The following NEMP2 variants were observed in gnomAD, a reference collection of about 807,000 sequenced individuals.
NEMP2 encodes the protein UPF0571 transmembrane protein.
In NEMP2, 53 loss-of-function variants were observed where a neutral mutation model predicts 54.2. The observed-to-expected ratio is 0.98, with a 90% CI of 0.78 to 1.23. The LOEUF (loss-of-function observed/expected upper bound fraction) is 1.23, where lower values mean the gene tolerates loss of function less well. Among genes scored for constraint, NEMP2 ranks in the 50% most tolerant of loss-of-function variants. The pLI is 0.00. For synonymous variants in NEMP2, 197 were observed against 190.3 expected (o/e 1.04, Z -0.29); for missense variants, 455 against 511.3 (o/e 0.89, Z 1.06).
At chr2:190,608,284 C>A in the NEMP2 span, 1 of 151,860 alleles carries the variant, frequency 6.6e-6, no homozygotes, top group South Asian at 2.1e-4. The surrounding 1 kb of genome is among the most constrained non-coding windows in gnomAD (Gnocchi z 4.9). Flanking sequence ...TTCGTATATG[C>A]CAAAGAGAAG....
rs1376465768 is a variant in NEMP2 at position 190,521,102 on chromosome 2, G to A, written c.214-1919C>T. ...TTCAAATCCATGACTGTGAACTTAA[G>A]AGAGGGACATGAAAGTTGCAGTCAT... is the stretch of plus-strand genomic sequence containing the variant. On this transcript the variant is annotated intron_variant, in intron 2 of 8. Transcript: ENST00000409150. This position sits in a 1 kb window ranked among gnomAD's most constrained non-coding sequence, Gnocchi z 6.2. 6.6e-6 allele frequency among the ~76,000 whole-genome samples: 1 copy of A among 152,152 alleles called. No homozygotes were observed. The highest frequency in any genetic ancestry group is 1.5e-5 in the Non-Finnish European group (1 of 68,036).
the NEMP2 span, among the ~76,000 whole-genome samples, chr2:190,621,295 T>A: frequency 6.6e-6 from 1 of 152,250 alleles, no homozygotes; most frequent in Non-Finnish European, 1.5e-5. Flanking sequence ...TACAAACTTG[T>A]ACAGCATGTT....
chr2:190,603,319 T>G, the NEMP2 span, among the ~76,000 whole-genome samples: 2 of 152,032 alleles, frequency 1.3e-5, no homozygotes, highest in African/African-American at 4.8e-5. Flanking sequence ...TTATTTAAAA[T>G]TAAATGGAAT....
the NEMP2 span, among the ~76,000 whole-genome samples, chr2:190,558,186 A>T: frequency 6.6e-6 from 1 of 152,200 alleles, no homozygotes; most frequent in Non-Finnish European, 1.5e-5. The surrounding 1 kb of genome is among the most constrained non-coding windows in gnomAD (Gnocchi z 4.4). Context: ...CATGGATGAC[A>T]CTGGAAACCA....
chr2:190,499,986 A>T (rs765623588), downstream of NEMP2: 21 of 1,611,494 alleles, frequency 1.3e-5, no homozygotes, highest in Non-Finnish European at 1.7e-5. This position sits in a 1 kb window ranked among gnomAD's most constrained non-coding sequence, Gnocchi z 6.0. Flanking sequence ...ATCACTGATC[A>T]TGGGGCATCT....
the NEMP2 span, among the ~76,000 whole-genome samples, chr2:190,622,274 G>A: frequency 1.3e-5 from 2 of 151,840 alleles, no homozygotes; most frequent in African/African-American, 4.8e-5. Context: ...TGGGTGTGGT[G>A]GTGTGAGCTT....
the NEMP2 span, among the ~76,000 whole-genome samples, chr2:190,617,639 T>G: frequency 2.0e-5 from 3 of 152,268 alleles, no homozygotes; most frequent in South Asian, 6.2e-4. The surrounding 1 kb of genome is among the most constrained non-coding windows in gnomAD (Gnocchi z 5.0). Context: ...CTATTTATAC[T>G]GTCTAAATCC....
At position 190,509,390 on chromosome 2, in the gene NEMP2, AT is replaced by A; in HGVS notation, c.1131-79del. 6.8e-7 allele frequency: 1 copy of A among 1,465,450 alleles called. No homozygotes were observed. The highest frequency in any genetic ancestry group is 9.3e-7 in the Non-Finnish European group (1 of 1,077,408). The allele number at this position is 1,465,450 out of a possible 1,614,324, so 90.8% of individuals were successfully genotyped here. On this transcript the variant is annotated intron_variant, in intron 8 of 8. Coordinates refer to ENST00000409150, the MANE Select transcript of NEMP2 (RefSeq NM_001142645.2). This position sits in a 1 kb window ranked among gnomAD's most constrained non-coding sequence, Gnocchi z 6.1. ...TTGAAAGATAACATGTTCCCTTGCTATTTATCCCCTTTAATTAAATTTGACT... is the reference window on the plus strand; with the variant it reads ...TTGAAAGATAACATGTTCCCTTGCTATTATCCCCTTTAATTAAATTTGACT...
At chr2:190,472,466 C>T in the NEMP2 span, among the ~76,000 whole-genome samples, 1 of 152,094 alleles carries the variant, frequency 6.6e-6, no homozygotes, top group Non-Finnish European at 1.5e-5. Context: ...CTGATTTGAT[C>T]ATCTGGAAGA....
At position 190,512,862 on chromosome 2, in the gene NEMP2, C is replaced by T. The variant is rs769285153; in HGVS notation, c.953+1591G>A. On this transcript the variant is annotated intron_variant, in intron 7 of 8. Coordinates refer to ENST00000409150, the MANE Select transcript of NEMP2 (RefSeq NM_001142645.2). This position sits in a 1 kb window ranked among gnomAD's most constrained non-coding sequence, Gnocchi z 4.5. ...TTCAGCCCCGCCAGCATCTTCTGTG[C>T]GGGCTCCCTGTCCTGTCAATGGTGC... 5.9e-5 allele frequency among the ~76,000 whole-genome samples: 9 copies of T among 152,224 alleles called. No homozygotes were observed. Among genetic ancestry groups the T allele is most frequent in the Non-Finnish European group, 1.3e-4 (9 of 68,042 alleles).
At chr2:190,634,618 C>A in the NEMP2 span, among the ~76,000 whole-genome samples, 1 of 152,180 alleles carries the variant, frequency 6.6e-6, no homozygotes, top group South Asian at 2.1e-4. This position sits in a 1 kb window ranked among gnomAD's most constrained non-coding sequence, Gnocchi z 6.8. Context: ...ACTTTCATGA[C>A]GCACTGAAGA....
At chr2:190,572,164 T>A in the NEMP2 span, among the ~76,000 whole-genome samples, 1 of 152,204 alleles carries the variant, frequency 6.6e-6, no homozygotes, top group African/African-American at 2.4e-5. Flanking sequence ...ATATTTAAGA[T>A]AAATTTTGAT....
the NEMP2 span, among the ~76,000 whole-genome samples, chr2:190,645,897 CT>C: frequency 0.023 from 3,488 of 152,294 alleles, 136 homozygotes; most frequent in African/African-American, 0.08. Context: ...TTTCCTTTGT[CT>C]TTTAGACTTC....
At chr2:190,635,724 C>T in the NEMP2 span, among the ~76,000 whole-genome samples, 1 of 152,042 alleles carries the variant, frequency 6.6e-6, no homozygotes, top group African/African-American at 2.4e-5. The surrounding 1 kb of genome is among the most constrained non-coding windows in gnomAD (Gnocchi z 4.1). Flanking sequence ...TCCTTGGGCA[C>T]AGGTAAGAGA....
the NEMP2 span, among the ~76,000 whole-genome samples, chr2:190,429,374 G>A: frequency 6.6e-6 from 1 of 150,608 alleles, no homozygotes; most frequent in Non-Finnish European, 1.5e-5. Flanking sequence ...CGCCCAGCCT[G>A]GAGTACAGTG....
the NEMP2 span, among the ~76,000 whole-genome samples, chr2:190,632,506 T>C: frequency 5.9e-5 from 9 of 152,276 alleles, no homozygotes. This position sits in a 1 kb window ranked among gnomAD's most constrained non-coding sequence, Gnocchi z 4.8. Flanking sequence ...CTAATGATAA[T>C]TTTATTTCAG....
chr2:190,498,460 C>A, the NEMP2 span, among the ~76,000 whole-genome samples: 1 of 152,130 alleles, frequency 6.6e-6, no homozygotes, highest in African/African-American at 2.4e-5. The surrounding 1 kb of genome is among the most constrained non-coding windows in gnomAD (Gnocchi z 5.9). Context: ...AAATAAGGGT[C>A]ATTTGAGTAA....
At chr2:190,567,902 C>T in the NEMP2 span, among the ~76,000 whole-genome samples, 2 of 152,120 alleles carry the variant, frequency 1.3e-5, no homozygotes, top group Non-Finnish European at 2.9e-5. This position sits in a 1 kb window ranked among gnomAD's most constrained non-coding sequence, Gnocchi z 4.0. Flanking sequence ...CCGCCTTGGT[C>T]CCCCAAAGTG....
At chr2:190,431,766 C>G in the NEMP2 span, among the ~76,000 whole-genome samples, 1 of 152,092 alleles carries the variant, frequency 6.6e-6, no homozygotes, top group South Asian at 2.1e-4. The surrounding 1 kb of genome is among the most constrained non-coding windows in gnomAD (Gnocchi z 4.4). Flanking sequence ...GCATCTTGTT[C>G]TTTATTTTCC....
Sources: gnomAD v4.1 joint callset for allele counts (sites outside exome capture counted in the v4.1 genomes callset) on GRCh38, gnomAD v4.1.1 for gene constraint, Gnocchi (gnomAD v3.1) non-coding constraint, MANE v1.5 for transcripts, NCBI Gene and HGNC (gene_info 2026-07-23, HGNC 2026-07-21) for gene names.